The following SPEN variants were observed in gnomAD, a reference collection of about 807,000 sequenced individuals.
SPEN encodes msx2-interacting protein.
A neutral mutation model predicts 269.9 loss-of-function variants in SPEN; 18 were observed. The observed-to-expected ratio is 0.07, with a 90% CI of 0.05 to 0.10. The LOEUF is 0.10. SPEN is among the 10% of genes least tolerant of loss of function. The pLI, the probability that SPEN is intolerant of heterozygous loss-of-function variation, is 1.00. For missense variants in SPEN, 3,822 were observed against 4,631.2 expected, an observed-to-expected ratio of 0.83 and a Z score of 5.07; for synonymous variants, 1,726 against 1,765.7, an observed-to-expected ratio of 0.98 and a Z score of 0.56.
intron 3 of SPEN, among the ~76,000 whole-genome samples, chr1:15,905,537 C>T (rs2070947482): frequency 6.6e-6 from 1 of 150,996 alleles, no homozygotes; most frequent in South Asian, 2.1e-4. Flanking sequence ...TTTTATAATA[C>T]AAACTTGTGT....
chr1:15,873,808 C>A, intron 2 of SPEN: 1 of 1,025,810 alleles, frequency 9.7e-7, no homozygotes, highest in Non-Finnish European at 1.2e-6. Flanking sequence ...TTCCTAAATC[C>A]TGGAATATAG....
intron 1 of SPEN, among the ~76,000 whole-genome samples, chr1:15,856,242 G>A (rs535272692): frequency 6.6e-6 from 1 of 151,594 alleles, no homozygotes; most frequent in East Asian, 2.0e-4. Flanking sequence ...CGCCCGCCTC[G>A]GCCTCCCAAA....
chr1:15,925,522 A>G (rs1005420422), intron 10 of SPEN, among the ~76,000 whole-genome samples: 2 of 152,196 alleles, frequency 1.3e-5, no homozygotes, highest in Non-Finnish European at 2.9e-5. Flanking sequence ...GTGCTCCAGC[A>G]TGAATGCTTA....
Position 15,918,745 on chromosome 1 carries a change from G to A in SPEN, c.1396-181G>A, listed in dbSNP as rs138774833. ...GATTTCATGGTTTGTGACAATAAAT[G>A]CTATATGTTTTATAGCAAACTAGTA... On this transcript the variant is annotated intron_variant, in intron 6 of 14. Coordinates refer to ENST00000375759, the MANE Select transcript of SPEN (RefSeq NM_015001.3). Among the ~76,000 whole-genome samples, 275 of 152,268 alleles carry A rather than the reference G, an allele frequency of 1.8e-3. 2 individuals carry two copies. Among genetic ancestry groups the A allele is most frequent in the East Asian group, 4.8e-3 (25 of 5,188 alleles).
intron 10 of SPEN, among the ~76,000 whole-genome samples, chr1:15,923,488 A>G (rs901159454): frequency 4.7e-5 from 7 of 150,020 alleles, no homozygotes; most frequent in African/African-American, 1.8e-4. Flanking sequence ...ACTTGAGTTC[A>G]AAGTATGAAA....
At chr1:15,899,706 C>A (rs556566938) in intron 3 of SPEN, among the ~76,000 whole-genome samples, 2 of 151,826 alleles carry the variant, frequency 1.3e-5, no homozygotes, top group Non-Finnish European at 2.9e-5. Context: ...TTAGATGTTG[C>A]GCATTTTTTC....
At position 15,876,540 on chromosome 1, in the gene SPEN, C is replaced by A; in HGVS notation, c.743C>A (p.Ser248Tyr). ...QHSRSRSPHS[S>Y]QSRNQSPQRL... ...AGCAGGAGTCGGTCACCACATTCAT[C>A]CCAGTCTAGAAATCAGTCTCCTCAG... is the stretch of plus-strand genomic sequence containing the variant. The change falls in exon 3 of 15, where the codon TCC becomes TAC. Residue 248 changes from serine (S) to tyrosine (Y), a missense_variant. Transcript: ENST00000375759. 6.2e-7 allele frequency: 1 copy of A among 1,614,088 alleles called. No individual in the cohort carries two copies. Among genetic ancestry groups the A allele is most frequent in the Non-Finnish European group, 8.5e-7 (1 of 1,180,024 alleles).
rs1338297961 is a variant in SPEN at position 15,876,499 on chromosome 1, G to A, written c.702G>A (p.Glu234=). ...GGGAGGTACGAGGCAGAAGGCCAGA[G>A]CGGAATTACCAGCACAGCAGGAGTC... The part of the protein sequence containing the change: ...ITREVRGRRP[E]RNYQHSRSRS... Residue 234 remains glutamate, a synonymous_variant, in exon 3 of 15, where the codon GAG becomes GAA. Coordinates refer to ENST00000375759, the MANE Select transcript of SPEN (RefSeq NM_015001.3). The A allele has an allele frequency of 6.2e-7, 1 of 1,614,148 alleles. No individual in the cohort carries two copies. Among genetic ancestry groups the A allele is most frequent in the Admixed American group, 1.7e-5 (1 of 60,006 alleles).
chr1:15,849,938 A>G (rs1448731056), intron 1 of SPEN, among the ~76,000 whole-genome samples: 1 of 152,056 alleles, frequency 6.6e-6, no homozygotes, highest in Non-Finnish European at 1.5e-5. Context: ...CTCGCTCCTC[A>G]GTGTTATGTG....
In SPEN at chr1:15,897,463, A is replaced by C. The variant is rs553976697; in HGVS notation, c.882-11858A>C. 1.1e-4 allele frequency among the ~76,000 whole-genome samples: 17 copies of C among 152,030 alleles called. No individual in the cohort carries two copies. The East Asian group carries it at 3.3e-3, about 29-fold the overall frequency. ...CCGCAACCTCCGCCTTCTGGGTTCA[A>C]GCGATTCTCCTGCTTGTAATCCTGA... On this transcript the variant is annotated intron_variant, in intron 3 of 14. Transcript: ENST00000375759.
At position 15,876,425 on chromosome 1, in the gene SPEN, A is replaced by C; in HGVS notation, c.628A>C (p.Thr210Pro). ...TGAACCTAGGGCTCGCGAGCAGTTT[A>C]CACTGCCCAGTGTGGTACACAGGGA... ...RYEPRAREQF[T>P]LPSVVHRDIY... The change falls in exon 3 of 15, where the codon ACA becomes CCA. Residue 210 changes from threonine (T) to proline (P), a missense_variant. Around this residue, in one of 16 missense-constraint regions of SPEN, gnomAD observed 327 missense variants for 350.8 expected, o/e 0.93. Transcript: ENST00000375759. 6.2e-7 allele frequency: 1 copy of C among 1,614,150 alleles called. No individual in the cohort carries two copies. Among genetic ancestry groups the C allele is most frequent in the South Asian group, 1.1e-5 (1 of 91,074 alleles).
Position 15,861,708 on chromosome 1 carries a change from C to CT in SPEN, c.84-11105dup, listed in dbSNP as rs570214949. Among the ~76,000 whole-genome samples the CT allele has an allele frequency of 9.2e-5, 14 of 151,904 alleles. No individual in the cohort carries two copies. In the East Asian group the frequency reaches 2.1e-3, roughly 23 times the overall value. On this transcript the variant is annotated intron_variant, in intron 1 of 14. Transcript: ENST00000375759. ...TCCAGGCTGGTCTCAAAACTCCTTG[C>CT]TTTAAACATCCTCTCACCTTGGCCT...
At chr1:15,917,909 C>T (rs2071080411) in intron 6 of SPEN, 1 of 152,324 alleles carries the variant, frequency 6.6e-6, no homozygotes, top group Non-Finnish European at 1.5e-5. Context: ...CACTGGAAGC[C>T]CTGGTAGTTA....
At chr1:15,878,531 G>A (rs920503021) in intron 3 of SPEN, among the ~76,000 whole-genome samples, 1 of 152,054 alleles carries the variant, frequency 6.6e-6, no homozygotes, top group African/African-American at 2.4e-5. Context: ...GATTTTATTT[G>A]GTGTGCTGTC....
chr1:15,935,293 C>T lies in SPEN; in HGVS notation c.9053C>T (p.Ala3018Val). The T allele has an allele frequency of 1.9e-6, 3 of 1,614,168 alleles. No homozygotes were observed. Among genetic ancestry groups the T allele is most frequent in the Non-Finnish European group, 2.5e-6 (3 of 1,180,028 alleles). ...PADRTVSHLA[A>V]AKLDAHSPRP... ...GATCGAACTGTCTCCCATTTGGCAGCTGCAAAGCTAGATGCTCATTCTCCT... is the reference window on the plus strand; with the variant it reads ...GATCGAACTGTCTCCCATTTGGCAGTTGCAAAGCTAGATGCTCATTCTCCT... The change falls in exon 11 of 15, where the codon GCT (alanine) becomes GTT (valine). Residue 3018 changes from alanine (A) to valine (V), a missense_variant. Transcript: ENST00000375759. This position sits in a 1 kb window ranked among gnomAD's most constrained non-coding sequence, Gnocchi z 7.7.
At chr1:15,904,451 T>TCAAAAAAAAAAA (rs2070934569) in intron 3 of SPEN, among the ~76,000 whole-genome samples, 1 of 15,886 alleles carries the variant, frequency 6.3e-5, no homozygotes, top group Non-Finnish European at 9.5e-5. Flanking sequence ...AAACTCCATC[T>TCAAAAAAAAAAA]CAAAAAAAAA....
rs780679557 is a variant in SPEN, at chr1:15,931,863, A to T, written c.5623A>T (p.Ile1875Phe). 6.2e-7 allele frequency: 1 copy of T among 1,614,236 alleles called. No homozygotes were observed. The highest frequency in any genetic ancestry group is 1.1e-5 in the South Asian group (1 of 91,090). ...LLELKMEAEK[I>F]TRTASKNSAA... ...GGAATTGAAGATGGAGGCAGAGAAG[A>T]TTACAAGGACTGCTTCTAAAAACTC... The change falls in exon 11 of 15, where the codon ATT (isoleucine) becomes TTT (phenylalanine). Residue 1875 changes from isoleucine (I) to phenylalanine (F), a missense_variant. Transcript: ENST00000375759. This position sits in a 1 kb window ranked among gnomAD's most constrained non-coding sequence, Gnocchi z 4.8.
At chr1:15,881,837 G>C (rs1018358483) in intron 3 of SPEN, among the ~76,000 whole-genome samples, 8 of 152,152 alleles carry the variant, frequency 5.3e-5, no homozygotes, top group Non-Finnish European at 8.8e-5. Context: ...GTTATTTCTT[G>C]TGATCTTTAC....
At position 15,930,298 on chromosome 1, in the gene SPEN, T is replaced by G. The variant is rs745786922; in HGVS notation, c.4058T>G (p.Val1353Gly). The change falls in exon 11 of 15, where the codon GTG becomes GGG. Residue 1353 changes from valine (V) to glycine (G), a missense_variant. Val to Gly is a moderately radical substitution (Grantham distance 109). Coordinates refer to ENST00000375759, the MANE Select transcript of SPEN (RefSeq NM_015001.3). This position sits in a 1 kb window ranked among gnomAD's most constrained non-coding sequence, Gnocchi z 5.3. ...QMKQDAGRFD[V>G]SFPNSIIKRD... ...AAACAGGATGCTGGCAGATTTGATG[T>G]GAGTTTCCCAAACAGCATAATTAAG... The G allele has an allele frequency of 6.2e-7, 1 of 1,614,168 alleles. No individual in the cohort carries two copies. Among genetic ancestry groups the G allele is most frequent in the Non-Finnish European group, 8.5e-7 (1 of 1,180,020 alleles).
Sources: allele counts gnomAD v4.1 joint callset (sites outside exome capture counted in the v4.1 genomes callset), GRCh38; gene constraint gnomAD v4.1.1; regional missense constraint gnomAD v4.1.1; non-coding constraint Gnocchi (gnomAD v3.1); transcripts MANE v1.5; gene names NCBI Gene and HGNC (gene_info 2026-07-23, HGNC 2026-07-21).